Variants in RABEP1 observed in about 807,000 individuals in gnomAD.
RABEP1 encodes the protein rabaptin, RAB GTPase binding effector protein 1.
RABEP1 carries 51 observed loss-of-function variants against 123.4 expected under a neutral mutation model. That is an observed-to-expected ratio of 0.41 (90% confidence interval 0.33 to 0.52). The LOEUF is 0.52. Ranked by LOEUF, RABEP1 falls within the 20% of genes least tolerant of loss-of-function variation. The pLI is 0.16. For synonymous variants in RABEP1, 347 were observed against 355.2 expected (o/e 0.98, Z 0.26); for missense variants, 888 against 996.3 (o/e 0.89, Z 1.46).
intron 1 of RABEP1, among the ~76,000 whole-genome samples, chr17:5,300,514 G>A (rs1472247368): frequency 6.6e-6 from 1 of 152,096 alleles, no homozygotes; most frequent in East Asian, 1.9e-4. Flanking sequence ...TCTCTTTCTT[G>A]GGGTGCAAGC....
chr17:5,360,587 C>T (rs189235445), intron 8 of RABEP1, among the ~76,000 whole-genome samples: 26 of 152,268 alleles, frequency 1.7e-4, no homozygotes, highest in Non-Finnish European at 2.4e-4. Context: ...ACTACGTTCT[C>T]GTCATTTCCT....
intron 1 of RABEP1, among the ~76,000 whole-genome samples, chr17:5,283,618 A>C (rs553041585): frequency 2.6e-5 from 4 of 152,316 alleles, no homozygotes; most frequent in African/African-American, 9.6e-5. Flanking sequence ...TGTTGGGAAA[A>C]GGGGCTTGGT....
chr17:5,296,426 G>A (rs1371951376), intron 1 of RABEP1, among the ~76,000 whole-genome samples: 1 of 152,016 alleles, frequency 6.6e-6, no homozygotes, highest in Non-Finnish European at 1.5e-5. Flanking sequence ...ACCACACCCG[G>A]CTAATTTTGT....
At chr17:5,355,942 G>A (rs1260069706) in intron 8 of RABEP1, among the ~76,000 whole-genome samples, 1 of 152,170 alleles carries the variant, frequency 6.6e-6, no homozygotes, top group Non-Finnish European at 1.5e-5. Flanking sequence ...TGATTACATA[G>A]TGTTTTCATC....
In RABEP1 at chr17:5,378,116, A is replaced by G; in HGVS notation, c.2216-61A>G. 1.3e-5 allele frequency: 18 copies of G among 1,364,544 alleles called. No individual in the cohort carries two copies. In the South Asian group the frequency reaches 2.3e-4, roughly 17 times the overall value. The allele number at this position is 1,364,544 out of a possible 1,614,324, so 84.5% of individuals were successfully genotyped here. ...TGGGGGGTGCTCTAAAATTTTAAAG[A>G]AAAAAATGTTCATGCACAATAATAG... On this transcript the variant is annotated intron_variant, in intron 14 of 17. Transcript: ENST00000537505.
intron 8 of RABEP1, among the ~76,000 whole-genome samples, chr17:5,357,156 T>G (rs1480121286): frequency 6.6e-6 from 1 of 151,704 alleles, no homozygotes; most frequent in African/African-American, 2.4e-5. Flanking sequence ...GATTGCAGGC[T>G]TGAGCCACCA....
At chr17:5,328,785 T>C (rs1242967792) in intron 2 of RABEP1, among the ~76,000 whole-genome samples, 2 of 150,188 alleles carry the variant, frequency 1.3e-5, no homozygotes, top group Non-Finnish European at 3.0e-5. Context: ...ACCCTGTCTC[T>C]ACTAAAACTA....
rs768118437 is a variant in RABEP1, at chr17:5,338,010, T to C, written c.529-9T>C. On this transcript the variant is annotated splice_polypyrimidine_tract_variant and intron_variant, in intron 4 of 17. Transcript: ENST00000537505. The stretch of plus-strand genomic sequence containing the variant: ...ATAAGTCGTAGCATTTAATTCTTTT[T>C]AACCATAGGCCCAAGAGGATGCTGA... 9 of 1,599,146 alleles carry C rather than the reference T, an allele frequency of 5.6e-6. No individual in the cohort carries two copies. The East Asian group carries it at 1.6e-4, about 28-fold the overall frequency.
At chr17:5,324,691 AT>A (rs1355824213) in intron 2 of RABEP1, among the ~76,000 whole-genome samples, 1 of 152,230 alleles carries the variant, frequency 6.6e-6, no homozygotes. Flanking sequence ...AATAACTACA[AT>A]GTATGAAGAA....
chr17:5,369,509 G>C (rs1441694464), intron 12 of RABEP1, among the ~76,000 whole-genome samples: 2 of 152,120 alleles, frequency 1.3e-5, no homozygotes, highest in Non-Finnish European at 2.9e-5. Flanking sequence ...CCTATGAGCT[G>C]ATCCCTAAAT....
intron 5 of RABEP1, among the ~76,000 whole-genome samples, chr17:5,339,672 G>A (rs538035068): frequency 1.9e-4 from 16 of 85,188 alleles, no homozygotes; most frequent in East Asian, 3.2e-3. Flanking sequence ...GTGGCCACGC[G>A]CCTTGTAGTC....
intron 2 of RABEP1, among the ~76,000 whole-genome samples, chr17:5,320,368 A>G (rs1420671477): frequency 6.6e-6 from 1 of 150,986 alleles, no homozygotes; most frequent in Admixed American, 6.6e-5. Flanking sequence ...CCCATCCCAC[A>G]AGAAATGCTA....
At chr17:5,330,763 C>T (rs1057037154) in intron 2 of RABEP1, among the ~76,000 whole-genome samples, 1 of 152,058 alleles carries the variant, frequency 6.6e-6, no homozygotes, top group African/African-American at 2.4e-5. Context: ...TGGCTCACAC[C>T]TGTAATCCCA....
intron 5 of RABEP1, among the ~76,000 whole-genome samples, chr17:5,344,027 A>G (rs1426145266): frequency 1.3e-5 from 2 of 152,182 alleles, no homozygotes; most frequent in Admixed American, 1.3e-4. Flanking sequence ...AAAACTGGCA[A>G]GTTTAGCTAC....
intron 10 of RABEP1, 24 bp from the exon 11 acceptor site, chr17:5,365,098 T>G (rs1909901449): frequency 1.4e-6 from 2 of 1,462,620 alleles, no homozygotes; most frequent in African/African-American, 2.9e-5. Context: ...CTGGTTTTTC[T>G]AATTGACTTT....
At chr17:5,310,959 G>A (rs1233107574) in intron 2 of RABEP1, among the ~76,000 whole-genome samples, 2 of 151,814 alleles carry the variant, frequency 1.3e-5, no homozygotes, top group African/African-American at 4.8e-5. Context: ...ACAGGTGTGT[G>A]CCACCACGCC....
intron 4 of RABEP1, chr17:5,336,619 G>A (rs1907114369): frequency 2.7e-6 from 1 of 373,492 alleles, no homozygotes; most frequent in Non-Finnish European, 5.1e-6. Context: ...TAAAGGTTTT[G>A]TTTATGATGA....
intron 2 of RABEP1, among the ~76,000 whole-genome samples, chr17:5,310,432 G>A (rs2075227007): frequency 6.7e-6 from 1 of 150,156 alleles, no homozygotes; most frequent in Admixed American, 6.7e-5. Context: ...CTCCTGCCCT[G>A]CCCCAGCCTC....
At chr17:5,301,656 T>C (rs960378605) in intron 1 of RABEP1, among the ~76,000 whole-genome samples, 4 of 152,142 alleles carry the variant, frequency 2.6e-5, no homozygotes, top group Non-Finnish European at 5.9e-5. Context: ...CTTATCTCAT[T>C]CTTAGACCAG....
Sources: gnomAD v4.1 joint callset for allele counts (sites outside exome capture counted in the v4.1 genomes callset) on GRCh38, gnomAD v4.1.1 for gene constraint, MANE v1.5 for transcripts, NCBI Gene and HGNC (gene_info 2026-07-23, HGNC 2026-07-21) for gene names.